Variants in LRP1B observed in about 807,000 individuals in gnomAD.
LRP1B encodes LDL receptor related protein 1B, also known as low-density lipoprotein receptor-related protein 1B.
Under a neutral mutation model 556.6 loss-of-function variants are expected in LRP1B, and 217 were observed. That is an observed-to-expected ratio of 0.39 (90% confidence interval 0.35 to 0.44). The LOEUF is 0.44. Among genes scored for constraint, LRP1B ranks in the 20% least tolerant of loss-of-function variants. LRP1B has a pLI of 1.00. For synonymous variants in LRP1B, 2,047 were observed against 1,865.8 expected (o/e 1.10, Z -2.50); for missense variants, 5,053 against 5,620.8 (o/e 0.90, Z 3.23).
chr2:140,674,662 T>A (rs926228533), intron 41 of LRP1B, among the ~76,000 whole-genome samples: 5 of 152,218 alleles, frequency 3.3e-5, no homozygotes, highest in African/African-American at 1.2e-4. Context: ...CCCTAAAATG[T>A]ATAAAACCAC....
At chr2:140,487,394 T>G (rs1302790492) in intron 58 of LRP1B, among the ~76,000 whole-genome samples, 2 of 151,980 alleles carry the variant, frequency 1.3e-5, no homozygotes, top group East Asian at 3.9e-4. Flanking sequence ...ATTTACTCAA[T>G]TTGATGTTTA....
At chr2:140,852,098 C>T (rs1258186815) in intron 27 of LRP1B, among the ~76,000 whole-genome samples, 1 of 152,140 alleles carries the variant, frequency 6.6e-6, no homozygotes, top group Non-Finnish European at 1.5e-5. Context: ...GAGGCCAAGG[C>T]AGGCAGATCA....
chr2:140,503,196 G>T (rs964873702), intron 53 of LRP1B, 93 bp from the exon 54 acceptor site: 11 of 1,020,552 alleles, frequency 1.1e-5, no homozygotes, highest in South Asian at 1.6e-5. Flanking sequence ...GATTAATGTG[G>T]ATTACTCATG....
At chr2:141,173,369 C>G (rs573713309) in intron 7 of LRP1B, among the ~76,000 whole-genome samples, 6 of 152,098 alleles carry the variant, frequency 3.9e-5, no homozygotes, top group Non-Finnish European at 8.8e-5. Flanking sequence ...ACTATTTTTC[C>G]TAACATAAAC....
At chr2:140,605,660 G>A (rs900162081) in intron 41 of LRP1B, among the ~76,000 whole-genome samples, 14 of 146,546 alleles carry the variant, frequency 9.6e-5, no homozygotes, top group Admixed American at 4.1e-4. Flanking sequence ...GCCTGCCTCC[G>A]TTTCTTTCCT....
At chr2:140,247,206 A>G (rs746538279) in intron 86 of LRP1B, 44 bp from the exon 87 acceptor site, 4 of 1,393,494 alleles carry the variant, frequency 2.9e-6, no homozygotes, top group Non-Finnish European at 4.1e-6. Flanking sequence ...AGCGAATAAC[A>G]AAGCCCAGAA....
intron 2 of LRP1B, among the ~76,000 whole-genome samples, chr2:141,689,968 C>T (rs1691454893): frequency 6.6e-6 from 1 of 151,724 alleles, no homozygotes; most frequent in African/African-American, 2.4e-5. Flanking sequence ...ATTATCTACT[C>T]TTGTAAATAC....
rs545646793 is a variant in LRP1B, at chr2:141,996,392, T to C, written c.82+134256A>G. On this transcript the variant is annotated intron_variant, in intron 1 of 90. Transcript: ENST00000389484. ...CATGTCATCCTGACCTCCCCTAATA[T>C]CATTGAACCTCTACAGATCTCAGTT... Among the ~76,000 whole-genome samples the C allele has an allele frequency of 5.0e-5, 4 of 80,260 alleles. No individual in the cohort carries two copies. In the East Asian group the frequency reaches 1.7e-3, roughly 34 times the overall value. The allele number at this position is 80,260 out of a possible 152,430, so 52.7% of individuals were successfully genotyped here.
chr2:140,612,268 A>G (rs1265891207), intron 41 of LRP1B, among the ~76,000 whole-genome samples: 1 of 152,092 alleles, frequency 6.6e-6, no homozygotes, highest in Non-Finnish European at 1.5e-5. Flanking sequence ...TGTTCATATC[A>G]CCACTTTTAC....
At position 140,769,364 on chromosome 2, in the gene LRP1B, TA is replaced by T; in HGVS notation, c.5627-21del. 1.3e-6 allele frequency: 2 copies of T among 1,582,640 alleles called. No homozygotes were observed. The highest frequency in any genetic ancestry group is 1.7e-6 in the Non-Finnish European group (2 of 1,165,276). On this transcript the variant is annotated intron_variant, in intron 34 of 90. Transcript: ENST00000389484. The stretch of plus-strand genomic sequence containing the variant: ...CTATACCTAAATGCAGGGCCGGAGA[TA>T]AGGGGGGGAAGGGAAGCCCAGAATG...
chr2:141,639,619 A>G (rs1689257400), intron 2 of LRP1B, among the ~76,000 whole-genome samples: 1 of 151,618 alleles, frequency 6.6e-6, no homozygotes. Context: ...CTTTTTAAAT[A>G]TAATAACAAT....
intron 71 of LRP1B, among the ~76,000 whole-genome samples, chr2:140,365,655 G>T (rs1403909042): frequency 2.6e-5 from 4 of 151,534 alleles, no homozygotes; most frequent in African/African-American, 9.7e-5. Flanking sequence ...GTGATGTATA[G>T]CGTCACAGGT....
intron 11 of LRP1B, among the ~76,000 whole-genome samples, chr2:141,038,135 T>C (rs1248365916): frequency 1.1e-5 from 1 of 92,252 alleles, no homozygotes; most frequent in African/African-American, 3.2e-5. Flanking sequence ...AAACTAAAAA[T>C]AATTAAAAAA....
At chr2:140,867,886 C>T (rs2105154749) in intron 26 of LRP1B, 52 bp from the exon 27 acceptor site, 1 of 1,466,364 alleles carries the variant, frequency 6.8e-7, no homozygotes, top group Non-Finnish European at 9.1e-7. Flanking sequence ...TCAACTAGTC[C>T]AGAGACATAA....
At chr2:140,925,811 G>C (rs1308540910) in intron 20 of LRP1B, among the ~76,000 whole-genome samples, 1 of 152,130 alleles carries the variant, frequency 6.6e-6, no homozygotes, top group Non-Finnish European at 1.5e-5. Flanking sequence ...AAAGTTGACA[G>C]CTACTACCTG....
chr2:142,102,199 C>A (rs916049038), intron 1 of LRP1B, among the ~76,000 whole-genome samples: 1 of 151,872 alleles, frequency 6.6e-6, no homozygotes, highest in South Asian at 2.1e-4. Context: ...TCTAAAGCAG[C>A]GTCTCAAAAC....
At chr2:141,244,401 T>C (rs1184755551) in intron 5 of LRP1B, among the ~76,000 whole-genome samples, 1 of 152,180 alleles carries the variant, frequency 6.6e-6, no homozygotes, top group Admixed American at 6.5e-5. Context: ...CCTGGAACTC[T>C]GGCTTGTCGT....
rs188597619 is a variant in LRP1B at position 141,541,163 on chromosome 2, T to C, written c.206-60630A>G. Among the ~76,000 whole-genome samples the C allele has an allele frequency of 1.4e-4, 22 of 152,132 alleles. 1 individual carries two copies. In the East Asian group the frequency reaches 4.3e-3, roughly 29 times the overall value. On this transcript the variant is annotated intron_variant, in intron 2 of 90. Transcript: ENST00000389484. ...ATAGGTTATGGAGGAATTATTAAAATTCAAACAATGTCAATTTCTTCAACA... is the reference window on the plus strand; with the variant it reads ...ATAGGTTATGGAGGAATTATTAAAACTCAAACAATGTCAATTTCTTCAACA...
At position 140,649,295 on chromosome 2, in the gene LRP1B, G is replaced by A. The variant is rs147514400; in HGVS notation, c.6800-47656C>T. ...TACAGTCAAATGGCCATCAATTTCT[G>A]TCCATTTCATTCTCTAAAGCTCTGA... On this transcript the variant is annotated intron_variant, in intron 41 of 90. Coordinates refer to ENST00000389484, the MANE Select transcript of LRP1B (RefSeq NM_018557.3). Among the ~76,000 whole-genome samples, 167 of 152,144 alleles carry A rather than the reference G, an allele frequency of 1.1e-3. 9 individuals are homozygous for A. In the East Asian group the frequency reaches 0.031, roughly 29 times the overall value.
Sources: gnomAD v4.1 joint callset for allele counts (sites outside exome capture counted in the v4.1 genomes callset) on GRCh38, gnomAD v4.1.1 for gene constraint, MANE v1.5 for transcripts, NCBI Gene and HGNC (gene_info 2026-07-23, HGNC 2026-07-21) for gene names.